CWH43: variants seen among roughly 807,000 people sequenced by gnomAD.
CWH43 encodes the protein PGAP2-interacting protein.
Under a neutral mutation model 85.7 loss-of-function variants are expected in CWH43, and 91 were observed. The observed-to-expected ratio is 1.06, with a 90% CI of 0.90 to 1.26. CWH43 has a LOEUF of 1.26. Ranked by LOEUF, CWH43 falls within the 50% of genes most tolerant of loss-of-function variation. The pLI is 0.00. For missense variants in CWH43, 869 were observed against 839.2 expected (o/e 1.04, Z -0.44); for synonymous variants, 323 against 293.6 (o/e 1.10, Z -1.02).
At chr4:48,997,336 G>T (rs1251990813) in intron 5 of CWH43, among the ~76,000 whole-genome samples, 3 of 151,132 alleles carry the variant, frequency 2.0e-5, no homozygotes, top group Non-Finnish European at 4.4e-5. Flanking sequence ...TGGTATTACT[G>T]TCATGAGTCA....
At chr4:49,045,676 C>A (rs1784600812) in intron 14 of CWH43, among the ~76,000 whole-genome samples, 1 of 152,086 alleles carries the variant, frequency 6.6e-6, no homozygotes, top group South Asian at 2.1e-4. Flanking sequence ...ACTATGATGT[C>A]CACACAATGA....
chr4:49,060,794 T>G (rs138397979), intron 15 of CWH43, among the ~76,000 whole-genome samples: 30 of 152,308 alleles, frequency 2.0e-4, no homozygotes, highest in African/African-American at 6.7e-4. Context: ...GGACAAGCAC[T>G]GGAAAGTCCT....
intron 8 of CWH43, chr4:49,016,534 C>A (rs571106287): frequency 3.1e-6 from 2 of 645,944 alleles, no homozygotes; most frequent in Middle Eastern, 3.0e-4. Flanking sequence ...TTATAGTAAG[C>A]GGAGAAGGGA....
At chr4:49,039,497 G>T (rs1784389842) in intron 13 of CWH43, among the ~76,000 whole-genome samples, 2 of 146,264 alleles carry the variant, frequency 1.4e-5, no homozygotes, top group African/African-American at 5.0e-5. Context: ...TGATTGTTAT[G>T]TTTAGTTATG....
rs1159329669 is a variant in CWH43 at position 49,042,331 on chromosome 4, A to C, written c.1804-2455A>C. On this transcript the variant is annotated intron_variant, in intron 13 of 15. Coordinates refer to ENST00000226432, the MANE Select transcript of CWH43 (RefSeq NM_025087.3). ...CAAGAAAAAGCCTGTATTGCCTTGT[A>C]TAACTTAGCCTTGGAGCCACAGATG... Among the ~76,000 whole-genome samples the C allele has an allele frequency of 2.0e-5, 3 of 152,250 alleles. No individual in the cohort carries two copies. The East Asian group carries it at 5.8e-4, about 29-fold the overall frequency.
chr4:49,033,342 C>T (rs1784161422), intron 12 of CWH43, among the ~76,000 whole-genome samples: 1 of 152,112 alleles, frequency 6.6e-6, no homozygotes, highest in Non-Finnish European at 1.5e-5. Flanking sequence ...CCTATTTGGA[C>T]AACCTGGCTT....
intron 1 of CWH43, 145 bp from the exon 2 acceptor site, chr4:48,988,332 T>A (rs1421579160): frequency 4.1e-5 from 19 of 468,150 alleles, no homozygotes; most frequent in Non-Finnish European, 5.9e-5. Flanking sequence ...TTGTTCCATG[T>A]CAGTGGAGAC....
At chr4:49,019,463 G>A (rs1783670002) in intron 9 of CWH43, among the ~76,000 whole-genome samples, 2 of 152,196 alleles carry the variant, frequency 1.3e-5, no homozygotes, top group African/African-American at 4.8e-5. Flanking sequence ...AGTAGAAGAT[G>A]ACGTGGAGAG....
chr4:49,061,069 G>A (rs1240272706), intron 15 of CWH43, among the ~76,000 whole-genome samples: 1 of 152,020 alleles, frequency 6.6e-6, no homozygotes, highest in Admixed American at 6.6e-5. Flanking sequence ...AATCGATTTT[G>A]TTATTTTTGC....
intron 9 of CWH43, among the ~76,000 whole-genome samples, chr4:49,019,094 A>G (rs554658647): frequency 6.6e-6 from 1 of 152,266 alleles, no homozygotes; most frequent in East Asian, 1.9e-4. Context: ...ATGTTTCTTT[A>G]TTACCTGGTG....
At chr4:49,008,345 G>A (rs976857450) in intron 8 of CWH43, among the ~76,000 whole-genome samples, 1 of 140,826 alleles carries the variant, frequency 7.1e-6, no homozygotes, top group Middle Eastern at 3.3e-3. Flanking sequence ...TTGTAAATTT[G>A]TTTAAGTTCT....
intron 1 of CWH43, chr4:48,986,790 C>G: frequency 1.7e-6 from 2 of 1,209,614 alleles, no homozygotes; most frequent in Non-Finnish European, 2.1e-6. Flanking sequence ...CGGCCGGTAC[C>G]GTCCCCAAAG....
chr4:49,045,892 C>G (rs965700246), intron 14 of CWH43, among the ~76,000 whole-genome samples: 1 of 152,030 alleles, frequency 6.6e-6, no homozygotes, highest in Non-Finnish European at 1.5e-5. Flanking sequence ...TCAAAATCCT[C>G]TTTTCTATTT....
chr4:49,002,837 T>TAAGATGC (rs984150621), intron 6 of CWH43, among the ~76,000 whole-genome samples: 10 of 152,164 alleles, frequency 6.6e-5, no homozygotes, highest in African/African-American at 2.4e-4. Context: ...TATGGGGCAT[T>TAAGATGC]AAGATGCTGA....
intron 14 of CWH43, among the ~76,000 whole-genome samples, chr4:49,050,139 T>A (rs1784748852): frequency 1.3e-5 from 2 of 152,240 alleles, no homozygotes; most frequent in African/African-American, 2.4e-5. Context: ...TCTTTGTTGT[T>A]CATGGTTCCC....
rs775869448 is a variant in CWH43 at position 48,994,731 on chromosome 4, C to T, written c.624C>T (p.Leu208=). 2 of 1,614,190 alleles carry T rather than the reference C, an allele frequency of 1.2e-6. No homozygotes were observed. Among genetic ancestry groups the T allele is most frequent in the South Asian group, 1.1e-5 (1 of 91,078 alleles). ...AGAAFGSLVF[L]THWVFGEVSL... ...CTGCTTTTGGTAGCCTTGTGTTCCT[C>T]ACCCACTGGGTTTTTGGAGAAGTCT... Residue 208 remains leucine, a synonymous_variant, in exon 5 of 16, where the codon CTC becomes CTT. Transcript: ENST00000226432.
intron 14 of CWH43, among the ~76,000 whole-genome samples, chr4:49,046,372 T>A (rs758956293): frequency 1.9e-4 from 29 of 152,012 alleles, no homozygotes; most frequent in Non-Finnish European, 3.5e-4. Flanking sequence ...ATCCTCTTTA[T>A]GTACTGGGTG....
chr4:48,993,509 C>T lies in CWH43; in HGVS notation c.512-1110C>T, dbSNP rs146774700. Among the ~76,000 whole-genome samples the T allele has an allele frequency of 1.9e-3, 288 of 152,282 alleles. 1 individual carries two copies. Among genetic ancestry groups the T allele is most frequent in the African/African-American group, 6.7e-3 (279 of 41,554 alleles). ...TCAGACCCTAAGACCTTCCTTCTGT[C>T]CTGTAGAGGGCTGGATGGGGTCACA... On this transcript the variant is annotated intron_variant, in intron 4 of 15. Coordinates refer to ENST00000226432, the MANE Select transcript of CWH43 (RefSeq NM_025087.3).
chr4:48,988,043 A>G (rs192204141), intron 1 of CWH43, among the ~76,000 whole-genome samples: 2 of 152,324 alleles, frequency 1.3e-5, no homozygotes, highest in East Asian at 3.9e-4. Context: ...CTACAGCCAT[A>G]TGGGCAAGGG....
Sources: gnomAD v4.1 joint callset for allele counts (sites outside exome capture counted in the v4.1 genomes callset) on GRCh38, gnomAD v4.1.1 for gene constraint, MANE v1.5 for transcripts, NCBI Gene and HGNC (gene_info 2026-07-23, HGNC 2026-07-21) for gene names.